Variants in FSTL5 observed in about 807,000 individuals in gnomAD.
The protein encoded by FSTL5 is follistatin-related protein 5.
A neutral mutation model predicts 89.1 loss-of-function variants in FSTL5; 62 were observed. That is an observed-to-expected ratio of 0.70 (90% CI 0.57 to 0.86). FSTL5 has a LOEUF of 0.86. Among genes scored for constraint, FSTL5 ranks in the 40% least tolerant of loss-of-function variants. The pLI, the probability that FSTL5 is intolerant of heterozygous loss-of-function variation, is 0.00. For synonymous variants in FSTL5, 383 were observed against 346.2 expected (o/e 1.11, Z -1.18); for missense variants, 1,057 against 1,001.6 (o/e 1.06, Z -0.75).
chr4:161,632,869 T>G (rs1735549546), intron 7 of FSTL5, among the ~76,000 whole-genome samples: 1 of 152,006 alleles, frequency 6.6e-6, no homozygotes, highest in South Asian at 2.1e-4. Context: ...AGAAATAGAG[T>G]AAAAGTTCTT....
At chr4:162,055,609 A>G (rs1560994777) in intron 2 of FSTL5, among the ~76,000 whole-genome samples, 2 of 151,820 alleles carry the variant, frequency 1.3e-5, no homozygotes, top group Non-Finnish European at 2.9e-5. Context: ...ATTCTCCTTA[A>G]ATCCAACTGT....
chr4:161,386,533 C>T, intron 15 of FSTL5, 84 bp from the exon 16 acceptor site: 1 of 860,916 alleles, frequency 1.2e-6, no homozygotes, highest in Non-Finnish European at 1.8e-6. Context: ...GTGGAAAGGT[C>T]CATCGCAGGC....
chr4:161,737,175 T>C (rs1292858109), intron 6 of FSTL5, among the ~76,000 whole-genome samples: 1 of 152,256 alleles, frequency 6.6e-6, no homozygotes, highest in East Asian at 1.9e-4. Flanking sequence ...TTGCTTTTTC[T>C]ATTCCAGTGT....
At chr4:161,683,022 G>A (rs147003150) in intron 6 of FSTL5, among the ~76,000 whole-genome samples, 49 of 152,244 alleles carry the variant, frequency 3.2e-4, no homozygotes, top group African/African-American at 1.2e-3. Context: ...TGGGATTACA[G>A]GCGTGAGCCA....
At chr4:161,586,986 G>C (rs1578947236) in intron 8 of FSTL5, among the ~76,000 whole-genome samples, 2 of 152,126 alleles carry the variant, frequency 1.3e-5, no homozygotes, top group African/African-American at 4.8e-5. Context: ...ATAAAGAAAA[G>C]CTCTGATTGT....
intron 1 of FSTL5, among the ~76,000 whole-genome samples, chr4:162,155,830 A>G (rs565435262): frequency 1.3e-5 from 2 of 152,236 alleles, no homozygotes; most frequent in Non-Finnish European, 2.9e-5. Flanking sequence ...TGCATTTCAC[A>G]TATCAGAAAA....
rs188584992 is a variant in FSTL5, at chr4:162,018,346, C to T, written c.160+15279G>A. On this transcript the variant is annotated intron_variant, in intron 3 of 15. Transcript: ENST00000306100. ...CAAGATTATGTAAGTTAGCATACTT[C>T]ACCCAAACAGCATAAGTTTTACAGT... is the stretch of plus-strand genomic sequence containing the variant. Among the ~76,000 whole-genome samples, 377 of 152,260 alleles carry T rather than the reference C, an allele frequency of 2.5e-3. 1 individual carries two copies. Among genetic ancestry groups the T allele is most frequent in the African/African-American group, 8.7e-3 (361 of 41,552 alleles).
chr4:161,733,196 C>G (rs1391629460), intron 6 of FSTL5, among the ~76,000 whole-genome samples: 2 of 151,862 alleles, frequency 1.3e-5, no homozygotes, highest in Non-Finnish European at 2.9e-5. Context: ...TTTTACCCAT[C>G]ATTGGTCAGA....
chr4:161,678,964 T>C (rs1480997327), intron 6 of FSTL5, among the ~76,000 whole-genome samples: 1 of 151,748 alleles, frequency 6.6e-6, no homozygotes, highest in African/African-American at 2.4e-5. Context: ...GTAAGTATAA[T>C]AGCAAAAATG....
chr4:161,707,929 AT>A (rs1404642994), intron 6 of FSTL5, among the ~76,000 whole-genome samples: 5 of 151,620 alleles, frequency 3.3e-5, no homozygotes, highest in Non-Finnish European at 2.9e-5. Context: ...AGAGATACTC[AT>A]TTTCCCCCAC....
intron 11 of FSTL5, among the ~76,000 whole-genome samples, chr4:161,502,130 A>G (rs1730313419): frequency 6.6e-6 from 1 of 151,966 alleles, no homozygotes; most frequent in Non-Finnish European, 1.5e-5. Flanking sequence ...GGGCCTGACA[A>G]CTACTTTAAG....
intron 4 of FSTL5, among the ~76,000 whole-genome samples, chr4:161,849,795 T>C (rs994814404): frequency 6.6e-6 from 1 of 152,162 alleles, no homozygotes; most frequent in Admixed American, 6.5e-5. Flanking sequence ...GTCAATCTAC[T>C]TACATTTAAC....
intron 4 of FSTL5, among the ~76,000 whole-genome samples, chr4:161,791,761 A>G (rs12507329): frequency 0.16 from 23,629 of 152,224 alleles, 1,935 homozygotes; most frequent in Middle Eastern, 0.28. Context: ...ATGAGTGAAA[A>G]TCAGGTAGCT....
intron 8 of FSTL5, among the ~76,000 whole-genome samples, chr4:161,569,782 CA>C (rs1732940801): frequency 2.0e-5 from 3 of 151,634 alleles, no homozygotes; most frequent in African/African-American, 4.8e-5. Flanking sequence ...CACACACACA[CA>C]CACACACACA....
intron 2 of FSTL5, among the ~76,000 whole-genome samples, chr4:162,104,059 T>G (rs1475965151): frequency 6.6e-6 from 1 of 152,216 alleles, no homozygotes; most frequent in Admixed American, 6.5e-5. Context: ...CAGCTGAGCT[T>G]TCGCTCGCCG....
rs149754034 is a variant in FSTL5 at position 162,156,067 on chromosome 4, C to T, written c.-17+7548G>A. ...ATCATGCAGTTGACTTCAGACAAAA[C>T]TTGGTCTAAGTCTCAGCTCTGTGGG... On this transcript the variant is annotated intron_variant, in intron 1 of 15. Coordinates refer to ENST00000306100, the MANE Select transcript of FSTL5 (RefSeq NM_020116.5). 2.4e-4 allele frequency among the ~76,000 whole-genome samples: 36 copies of T among 152,192 alleles called. No individual in the cohort carries two copies. In the East Asian group the frequency reaches 6.2e-3, roughly 26 times the overall value.
intron 7 of FSTL5, among the ~76,000 whole-genome samples, chr4:161,624,036 C>T (rs976365617): frequency 2.0e-5 from 3 of 151,928 alleles, no homozygotes; most frequent in Non-Finnish European, 2.9e-5. Context: ...TATTTATATA[C>T]TGTTTTTCAT....
At chr4:161,733,181 A>G (rs1009783634) in intron 6 of FSTL5, among the ~76,000 whole-genome samples, 1 of 151,652 alleles carries the variant, frequency 6.6e-6, no homozygotes, top group Non-Finnish European at 1.5e-5. Context: ...TTTGTATTGC[A>G]CTTGTTTTAC....
At chr4:162,049,349 T>A (rs1560991651) in intron 2 of FSTL5, among the ~76,000 whole-genome samples, 1 of 152,174 alleles carries the variant, frequency 6.6e-6, no homozygotes, top group Admixed American at 6.6e-5. Context: ...GCAAGATAAT[T>A]TTAGTGTAAC....
Sources: allele counts gnomAD v4.1 joint callset (sites outside exome capture counted in the v4.1 genomes callset), GRCh38; gene constraint gnomAD v4.1.1; transcripts MANE v1.5; gene names NCBI Gene and HGNC (gene_info 2026-07-23, HGNC 2026-07-21).